Variants in CECR2 observed in about 807,000 individuals in gnomAD.
CECR2 encodes CECR2 histone acetyl-lysine reader, also known as chromatin remodeling regulator CECR2.
CECR2 carries 30 observed loss-of-function variants against 154.5 expected under a neutral mutation model. The observed-to-expected ratio is 0.19, with a 90% CI of 0.15 to 0.26. The LOEUF (loss-of-function observed/expected upper bound fraction) is 0.26, where lower values mean the gene tolerates loss of function less well. Among genes scored for constraint, CECR2 ranks in the 10% least tolerant of loss-of-function variants. CECR2 has a pLI of 1.00. For synonymous variants in CECR2, 725 were observed against 683.7 expected, an observed-to-expected ratio of 1.06 and a Z score of -0.94; for missense variants, 1,743 against 1,829.3, an observed-to-expected ratio of 0.95 and a Z score of 0.86.
intron 1 of CECR2, among the ~76,000 whole-genome samples, chr22:17,429,873 G>A (rs571647073): frequency 2.6e-5 from 4 of 152,300 alleles, no homozygotes; most frequent in African/African-American, 9.6e-5. Flanking sequence ...TATATGGCTG[G>A]TGGAAGACTA....
intron 1 of CECR2, among the ~76,000 whole-genome samples, chr22:17,471,332 A>G (rs2055123598): frequency 6.6e-6 from 1 of 152,160 alleles, no homozygotes; most frequent in Non-Finnish European, 1.5e-5. Flanking sequence ...ATGCTTGTCC[A>G]GTATACTAGT....
chr22:17,538,986 C>T lies in CECR2; in HGVS notation c.1369-7C>T, dbSNP rs35746048. The T allele has an allele frequency of 0.012, 20,087 of 1,612,074 alleles. 187 individuals carry two copies. Among genetic ancestry groups the T allele is most frequent in the Non-Finnish European group, 0.015 (18,249 of 1,178,850 alleles). The stretch of plus-strand genomic sequence containing the variant: ...TTTAACTATAAAGAGTTATGTGTCT[C>T]GTTTAGGCCCCCATGGATATTTCCA... On this transcript the variant is annotated splice_region_variant and splice_polypyrimidine_tract_variant and intron_variant, in intron 12 of 18. Coordinates refer to ENST00000262608, the MANE Select transcript of CECR2 (RefSeq NM_001290047.2).
At chr22:17,438,437 GA>G (rs2054537276) in intron 1 of CECR2, among the ~76,000 whole-genome samples, 1 of 152,166 alleles carries the variant, frequency 6.6e-6, no homozygotes, top group South Asian at 2.1e-4. Flanking sequence ...TTAGTACCGT[GA>G]TTTGGTTCCT....
chr22:17,414,058 C>T lies in CECR2; in HGVS notation c.126+44149C>T, dbSNP rs537583225. Among the ~76,000 whole-genome samples, 362 of 151,476 alleles carry T rather than the reference C, an allele frequency of 2.4e-3. 4 individuals carry two copies. Among genetic ancestry groups the T allele is most frequent in the African/African-American group, 8.0e-3 (328 of 41,220 alleles). On this transcript the variant is annotated intron_variant, in intron 1 of 18. Transcript: ENST00000262608. Reference sequence around the variant, plus strand: ...TGCAATCTCCGCTCACTGCAAGCTCCGCCTCCCAGGTTCACGCCATTCTCC... The same window carrying T: ...TGCAATCTCCGCTCACTGCAAGCTCTGCCTCCCAGGTTCACGCCATTCTCC...
intron 1 of CECR2, among the ~76,000 whole-genome samples, chr22:17,458,954 C>T (rs1258340059): frequency 6.6e-6 from 1 of 152,116 alleles, no homozygotes; most frequent in Non-Finnish European, 1.5e-5. Flanking sequence ...ATAATAGTGA[C>T]CTATAGCTTT....
intron 1 of CECR2, among the ~76,000 whole-genome samples, chr22:17,375,960 T>C (rs1052952414): frequency 7.4e-6 from 1 of 134,570 alleles, no homozygotes; most frequent in South Asian, 2.4e-4. Context: ...GACTCTTATC[T>C]AAAAAAAAAA....
intron 1 of CECR2, among the ~76,000 whole-genome samples, chr22:17,460,256 A>G (rs562093550): frequency 2.1e-4 from 32 of 152,306 alleles, no homozygotes; most frequent in Non-Finnish European, 4.4e-4. Flanking sequence ...GTCACCCAGA[A>G]TGGAGGACAA....
chr22:17,503,121 G>A lies in CECR2; in HGVS notation c.690G>A (p.Gln230=). The A allele has an allele frequency of 6.2e-7, 1 of 1,612,290 alleles. No individual in the cohort carries two copies. Among genetic ancestry groups the A allele is most frequent in the Non-Finnish European group, 8.5e-7 (1 of 1,179,118 alleles). The change falls in exon 6 of 19, where the codon CAG becomes CAA. Residue 230 remains glutamine (Q), a synonymous_variant. Transcript: ENST00000262608. The part of the protein sequence containing the change: ...QEENSLASEP[Q]TRHGSQGPGQ... ...AAAATTCCTTGGCATCCGAGCCACA[G>A]ACAAGACATGGTAATGTTCTTTACT...
chr22:17,455,441 C>A (rs569197203), intron 1 of CECR2, among the ~76,000 whole-genome samples: 1 of 152,308 alleles, frequency 6.6e-6, no homozygotes, highest in African/African-American at 2.4e-5. Context: ...CAATCTTCAT[C>A]TTCCCAGGAT....
chr22:17,380,677 A>G (rs1460269407), intron 1 of CECR2, among the ~76,000 whole-genome samples: 1 of 152,186 alleles, frequency 6.6e-6, no homozygotes, highest in African/African-American at 2.4e-5. Flanking sequence ...AGTGATGAAA[A>G]TAGAGGAAGC....
Position 17,543,015 on chromosome 22 carries a change from T to G in CECR2, c.2860+12T>G, listed in dbSNP as rs759317580. ...TGAGAATGACCAAGGTAATTTACAC[T>G]GTCACTTTGGGCTCTTTAAGCTCTT... On this transcript the variant is annotated intron_variant, in intron 16 of 18. Coordinates refer to ENST00000262608, the MANE Select transcript of CECR2 (RefSeq NM_001290047.2). 24 of 1,587,070 alleles carry G rather than the reference T, an allele frequency of 1.5e-5. No individual in the cohort carries two copies. In the South Asian group the frequency reaches 2.3e-4, roughly 15 times the overall value.
At chr22:17,538,893 T>C (rs2056478048) in intron 12 of CECR2, 100 bp from the exon 13 acceptor site, 1 of 1,437,612 alleles carries the variant, frequency 7.0e-7, no homozygotes, top group Non-Finnish European at 9.5e-7. Context: ...TCATTACAGA[T>C]CAGCATTGCT....
Position 17,510,568 on chromosome 22 carries a change from C to T in CECR2, c.871-1245C>T, listed in dbSNP as rs568025026. Among the ~76,000 whole-genome samples the T allele has an allele frequency of 3.3e-5, 5 of 152,212 alleles. No individual in the cohort carries two copies. In the South Asian group the frequency reaches 1.0e-3, roughly 32 times the overall value. On this transcript the variant is annotated intron_variant, in intron 7 of 18. Coordinates refer to ENST00000262608, the MANE Select transcript of CECR2 (RefSeq NM_001290047.2). ...GTCATGACAGCGTTTGATAATTGGG[C>T]TTGCATTTGCATTAGGCACTAGTCA...
chr22:17,449,740 C>T (rs1300935065), intron 1 of CECR2, among the ~76,000 whole-genome samples: 14 of 152,288 alleles, frequency 9.2e-5, no homozygotes, highest in South Asian at 4.1e-4. Context: ...CTGCCCGCCT[C>T]GGCCTCCCAA....
Position 17,373,065 on chromosome 22 carries a change from A to AT in CECR2, c.126+3162dup, listed in dbSNP as rs891073726. 2.0e-5 allele frequency among the ~76,000 whole-genome samples: 3 copies of AT among 152,170 alleles called. No individual in the cohort carries two copies. The East Asian group carries it at 5.8e-4, about 29-fold the overall frequency. ...TTTTATTTTTGTGTGTATTAAATAA[A>AT]TTTTTTGTTTTTTCTGAGACGGAGT... is the stretch of plus-strand genomic sequence containing the variant. On this transcript the variant is annotated intron_variant, in intron 1 of 18. Transcript: ENST00000262608.
chr22:17,386,552 A>G (rs1220936765), intron 1 of CECR2, among the ~76,000 whole-genome samples: 1 of 151,848 alleles, frequency 6.6e-6, no homozygotes, highest in Non-Finnish European at 1.5e-5. Context: ...ACCGCTCTCT[A>G]ATTGTTGGGA....
upstream of CECR2, among the ~76,000 whole-genome samples, chr22:17,364,859 A>G (rs1233180913): frequency 6.6e-6 from 1 of 151,604 alleles, no homozygotes; most frequent in Admixed American, 6.6e-5. Context: ...CAAACAAAAA[A>G]ACAAAAAATA....
At chr22:17,546,790 G>C (rs1274830366) in intron 16 of CECR2, among the ~76,000 whole-genome samples, 2 of 151,976 alleles carry the variant, frequency 1.3e-5, no homozygotes, top group African/African-American at 4.8e-5. Flanking sequence ...TGTAATCCCA[G>C]CACTTTGGGA....
At chr22:17,371,462 C>A (rs150380489) in intron 1 of CECR2, among the ~76,000 whole-genome samples, 4,770 of 152,256 alleles carry the variant, frequency 0.031, 113 homozygotes, top group South Asian at 0.066. Flanking sequence ...TGAAAATATT[C>A]TTTAGACAAC....
Sources: allele counts gnomAD v4.1 joint callset (sites outside exome capture counted in the v4.1 genomes callset), GRCh38; gene constraint gnomAD v4.1.1; transcripts MANE v1.5; gene names NCBI Gene and HGNC (gene_info 2026-07-23, HGNC 2026-07-21).